ANKRD44: variants seen among roughly 807,000 people sequenced by gnomAD.
ANKRD44 encodes the protein ankyrin repeat domain 44.
In ANKRD44, 35 loss-of-function variants were observed where a neutral mutation model predicts 116.0. The ratio of observed to expected loss-of-function variants is 0.30; its 90% CI spans 0.23 to 0.40. The LOEUF (loss-of-function observed/expected upper bound fraction) is 0.40. ANKRD44 is among the 10% of genes least tolerant of loss of function. The pLI, the probability that ANKRD44 is intolerant of heterozygous loss-of-function variation, is 1.00. For synonymous variants in ANKRD44, 435 were observed against 461.8 expected, an observed-to-expected ratio of 0.94 and a Z score of 0.74; for missense variants, 1,014 against 1,242.6, an observed-to-expected ratio of 0.82 and a Z score of 2.77.
At chr2:197,230,559 G>A (rs1488108659) in intron 1 of ANKRD44, among the ~76,000 whole-genome samples, 1 of 151,984 alleles carries the variant, frequency 6.6e-6, no homozygotes, top group Non-Finnish European at 1.5e-5. Flanking sequence ...AGTGACCAAA[G>A]AAAAGTAAAA....
rs1243857227 is a variant in ANKRD44 at position 196,987,090 on chromosome 2, TCA to T, written c.*2499_*2500del. On this transcript the variant is annotated 3_prime_UTR_variant, in exon 28 of 28. Transcript: ENST00000282272. Reference sequence around the variant, plus strand: ...AAGATATTTGCATTGAATTTTTAGATCACATAAGAAACGCATAGAATTACATT... The same window carrying T: ...AAGATATTTGCATTGAATTTTTAGATCATAAGAAACGCATAGAATTACATT... 1 of 984,794 alleles carries T rather than the reference TCA, an allele frequency of 1.0e-6. No individual in the cohort carries two copies. The highest frequency in any genetic ancestry group is 1.7e-5 in the African/African-American group (1 of 57,242). 61.0% of individuals were successfully genotyped at this position (984,794 alleles called of 1,614,324 possible).
chr2:197,181,227 A>T (rs1190518753), intron 2 of ANKRD44, among the ~76,000 whole-genome samples: 2 of 152,218 alleles, frequency 1.3e-5, no homozygotes, highest in Non-Finnish European at 1.5e-5. Context: ...TTACAAAAAA[A>T]ATTTTTTATA....
chr2:197,282,860 A>C (rs1468014179), intron 1 of ANKRD44, among the ~76,000 whole-genome samples: 1 of 152,210 alleles, frequency 6.6e-6, no homozygotes, highest in Non-Finnish European at 1.5e-5. Context: ...CAGGAGGCTG[A>C]GGCAGGAGGA....
chr2:197,069,652 A>G (rs1194128386), intron 16 of ANKRD44, among the ~76,000 whole-genome samples: 1 of 152,132 alleles, frequency 6.6e-6, no homozygotes, highest in Non-Finnish European at 1.5e-5. Flanking sequence ...TATATATTAT[A>G]TATTCAAGCT....
intron 11 of ANKRD44, 174 bp from the exon 12 acceptor site, chr2:197,088,948 TG>T (rs2077984580): frequency 1.9e-6 from 1 of 526,534 alleles, no homozygotes; most frequent in Non-Finnish European, 3.1e-6. Context: ...TGCTCAAGCT[TG>T]GCAATTTTAT....
chr2:197,146,944 G>A (rs2079519829), intron 3 of ANKRD44, 83 bp downstream of exon 3: 2 of 1,174,014 alleles, frequency 1.7e-6, no homozygotes, highest in South Asian at 3.0e-5. Context: ...AATTTTGCTT[G>A]GGTTCACTGT....
intron 3 of ANKRD44, among the ~76,000 whole-genome samples, chr2:197,142,064 A>G (rs1436601428): frequency 6.6e-6 from 1 of 152,248 alleles, no homozygotes; most frequent in Non-Finnish European, 1.5e-5. Flanking sequence ...GAAAATAAGC[A>G]CTAGGGTATA....
intron 1 of ANKRD44, among the ~76,000 whole-genome samples, chr2:197,294,067 C>G (rs186139029): frequency 7.9e-4 from 120 of 152,296 alleles, no homozygotes; most frequent in African/African-American, 2.8e-3. Flanking sequence ...GTAACAGCCA[C>G]TGGCCTCGGT....
chr2:197,193,627 C>A (rs1457853249), intron 1 of ANKRD44, among the ~76,000 whole-genome samples: 1 of 152,086 alleles, frequency 6.6e-6, no homozygotes, highest in Admixed American at 6.5e-5. Context: ...CACCTGTAAT[C>A]CCAGCACTTT....
intron 1 of ANKRD44, among the ~76,000 whole-genome samples, chr2:197,251,343 T>A (rs1269096587): frequency 6.6e-6 from 1 of 151,968 alleles, no homozygotes; most frequent in Non-Finnish European, 1.5e-5. Context: ...TTCTTACAGC[T>A]TTTTTTTCCT....
chr2:197,078,463 C>T, intron 16 of ANKRD44: 2 of 1,125,516 alleles, frequency 1.8e-6, no homozygotes, highest in Non-Finnish European at 2.4e-6. Context: ...TCGATGACTA[C>T]CATGCTTTTG....
intron 1 of ANKRD44, among the ~76,000 whole-genome samples, chr2:197,199,936 A>C (rs2081055957): frequency 6.6e-6 from 1 of 152,222 alleles, no homozygotes; most frequent in South Asian, 2.1e-4. Flanking sequence ...GTACCACAAC[A>C]AACAAGCCTC....
chr2:196,975,379 C>T (rs1425546740), intron 21 of ANKRD44, among the ~76,000 whole-genome samples: 2 of 152,190 alleles, frequency 1.3e-5, no homozygotes, highest in African/African-American at 2.4e-5. Flanking sequence ...ATTCTATCAA[C>T]TTTCAAACAG....
intron 16 of ANKRD44, among the ~76,000 whole-genome samples, chr2:197,048,800 A>ACC (rs60448374): frequency 0.63 from 95,124 of 151,500 alleles, 31,256 homozygotes; most frequent in East Asian, 0.84. Flanking sequence ...TTACACTCCC[A>ACC]ACAGTGTAAA....
At chr2:197,111,702 T>C (rs2078571155) in intron 8 of ANKRD44, among the ~76,000 whole-genome samples, 1 of 18,990 alleles carries the variant, frequency 5.3e-5, no homozygotes, top group East Asian at 0.042. Flanking sequence ...TATAATTCCA[T>C]TTAAAAAAAA....
chr2:197,227,953 ATAAAT>A (rs2081759528), intron 1 of ANKRD44, among the ~76,000 whole-genome samples: 1 of 152,266 alleles, frequency 6.6e-6, no homozygotes, highest in Non-Finnish European at 1.5e-5. Flanking sequence ...GTATCACCAG[ATAAAT>A]TAAAACATTC....
At chr2:196,992,374 T>C (rs547325737) in intron 27 of ANKRD44, among the ~76,000 whole-genome samples, 3 of 152,364 alleles carry the variant, frequency 2.0e-5, no homozygotes, top group South Asian at 2.1e-4. Flanking sequence ...AAAGGAATTA[T>C]GGTTGTACTG....
intron 16 of ANKRD44, among the ~76,000 whole-genome samples, chr2:197,025,511 CG>C (rs1278106389): frequency 6.6e-6 from 1 of 151,860 alleles, no homozygotes; most frequent in Non-Finnish European, 1.5e-5. Flanking sequence ...CAGATAATAA[CG>C]AAAAAAATAA....
intron 16 of ANKRD44, among the ~76,000 whole-genome samples, chr2:197,033,781 C>T (rs1336905059): frequency 6.6e-6 from 1 of 151,796 alleles, no homozygotes; most frequent in Non-Finnish European, 1.5e-5. Flanking sequence ...AGTTATGCAG[C>T]AATCACTGGA....
Sources: allele counts gnomAD v4.1 joint callset (sites outside exome capture counted in the v4.1 genomes callset), GRCh38; gene constraint gnomAD v4.1.1; transcripts MANE v1.5; gene names NCBI Gene and HGNC (gene_info 2026-07-23, HGNC 2026-07-21).